CACNA1D: variants seen among roughly 807,000 people sequenced by gnomAD.
The protein encoded by CACNA1D is voltage-dependent L-type calcium channel subunit alpha-1D.
In CACNA1D, 55 loss-of-function variants were observed where a neutral mutation model predicts 257.1. The ratio of observed to expected loss-of-function variants is 0.21; its 90% CI spans 0.17 to 0.27. The LOEUF (loss-of-function observed/expected upper bound fraction) is 0.27. CACNA1D is among the 10% of genes least tolerant of loss of function. The pLI, the probability that CACNA1D is intolerant of heterozygous loss-of-function variation, is 1.00. For synonymous variants in CACNA1D, 980 were observed against 1,014.9 expected (o/e 0.97, Z 0.65); for missense variants, 1,876 against 2,784.0 (o/e 0.67, Z 7.34).
chr3:53,700,082 T>TA (rs145621429), intron 8 of CACNA1D, among the ~76,000 whole-genome samples: 7,717 of 148,052 alleles, frequency 0.052, 661 homozygotes, highest in African/African-American at 0.18. Context: ...TTATATAATT[T>TA]AAAAATAAAA....
At chr3:53,600,516 C>A (rs1271896562) in intron 3 of CACNA1D, among the ~76,000 whole-genome samples, 1 of 152,110 alleles carries the variant, frequency 6.6e-6, no homozygotes, top group Non-Finnish European at 1.5e-5. Flanking sequence ...ACTGAGATAC[C>A]AAAAGTAATG....
chr3:53,812,843 G>C lies in CACNA1D; in HGVS notation c.*1437G>C, dbSNP rs752765298. Reference sequence around the variant, plus strand: ...TGGAGTGTCGGGGTCTGTACAAATCGTATTGTTGCCTTTTACAAAACTGCT... The same window carrying C: ...TGGAGTGTCGGGGTCTGTACAAATCCTATTGTTGCCTTTTACAAAACTGCT... On this transcript the variant is annotated 3_prime_UTR_variant, in exon 48 of 48. Transcript: ENST00000350061. The C allele has an allele frequency of 6.6e-6, 1 of 152,180 alleles. No homozygotes were observed. The highest frequency in any genetic ancestry group is 1.5e-5 in the Non-Finnish European group (1 of 68,036). 9.4% of individuals were successfully genotyped at this position (152,180 alleles called of 1,614,324 possible).
Position 53,747,386 on chromosome 3 carries a change from C to T in CACNA1D, c.3252C>T (p.Phe1084=), listed in dbSNP as rs139767790. The change falls in exon 26 of 48, where the codon TTC becomes TTT. Residue 1084 remains phenylalanine, a synonymous_variant. Coordinates refer to ENST00000350061, the MANE Select transcript of CACNA1D (RefSeq NM_001128840.3). ...ERIWQNSDFN[F]DNVLSAMMAL... ...TCTGGCAAAACAGTGATTTCAACTTCGACAACGTCCTCTCTGCTATGATGG... is the reference window on the plus strand; with the variant it reads ...TCTGGCAAAACAGTGATTTCAACTTTGACAACGTCCTCTCTGCTATGATGG... 116 of 1,614,086 alleles carry T rather than the reference C, an allele frequency of 7.2e-5. 1 individual carries two copies. In the African/African-American group the frequency reaches 1.0e-3, roughly 14 times the overall value.
Position 53,719,757 on chromosome 3 carries a change from A to G in CACNA1D, c.1481A>G (p.Gln494Arg), listed in dbSNP as rs771027885. 6.2e-7 allele frequency: 1 copy of G among 1,613,950 alleles called. No homozygotes were observed. ...AACACTTTTTGTCTTTCTTTCAGTC[A>G]AGCCATCTCAAAATCCAAACTCAGG... The part of the protein sequence containing the change: ...ENRGCCGSLC[Q>R]AISKSKLSRR... The change falls in exon 11 of 48, where the codon CAA (glutamine) becomes CGA (arginine). Residue 494 changes from glutamine to arginine, a missense_variant and splice_region_variant. Transcript: ENST00000350061.
Position 53,786,569 on chromosome 3 carries a change from A to G in CACNA1D, c.4793-253A>G, listed in dbSNP as rs1418958506. 35 of 498,364 alleles carry G rather than the reference A, an allele frequency of 7.0e-5. 1 individual carries two copies. In the South Asian group the frequency reaches 7.5e-4, roughly 11 times the overall value. 30.9% of individuals were successfully genotyped at this position (498,364 alleles called of 1,614,324 possible). ...TGCTGCTCTATTAAACTCATAACAA[A>G]TATATTATTTTCTGCAACCTAGAGT... On this transcript the variant is annotated intron_variant, in intron 39 of 47. Coordinates refer to ENST00000350061, the MANE Select transcript of CACNA1D (RefSeq NM_001128840.3).
intron 18 of CACNA1D, 104 bp downstream of exon 18, chr3:53,732,186 T>G (rs1216785234): frequency 4.8e-6 from 4 of 827,150 alleles, no homozygotes; most frequent in Non-Finnish European, 6.3e-6. Flanking sequence ...AGCGTGCACA[T>G]GAGCTGCTGA....
intron 4 of CACNA1D, among the ~76,000 whole-genome samples, chr3:53,654,830 A>T (rs2094132944): frequency 6.6e-6 from 1 of 152,182 alleles, no homozygotes. Context: ...AGGTCTATCT[A>T]ATAAGCCTAT....
At chr3:53,546,591 C>CAT (rs1438001005) in intron 3 of CACNA1D, among the ~76,000 whole-genome samples, 1 of 152,214 alleles carries the variant, frequency 6.6e-6, no homozygotes, top group Non-Finnish European at 1.5e-5. Context: ...GATCCTGCTG[C>CAT]ATTTATAATT....
chr3:53,574,749 A>C (rs2107709211), intron 3 of CACNA1D, among the ~76,000 whole-genome samples: 1 of 151,008 alleles, frequency 6.6e-6, no homozygotes, highest in East Asian at 2.0e-4. Context: ...TCTCACTCAT[A>C]TGCACTAATT....
chr3:53,507,081 A>AC (rs1238904513), intron 3 of CACNA1D, among the ~76,000 whole-genome samples: 1 of 150,950 alleles, frequency 6.6e-6, no homozygotes, highest in Admixed American at 6.6e-5. Context: ...TCAAAAAAAA[A>AC]AAAAAAAAAA....
chr3:53,703,140 CAGG>C (rs1246789473), intron 9 of CACNA1D, among the ~76,000 whole-genome samples: 1 of 152,236 alleles, frequency 6.6e-6, no homozygotes, highest in Non-Finnish European at 1.5e-5. Context: ...TCTTGTACCA[CAGG>C]AGAAGAAGCT....
chr3:53,547,401 G>A (rs1400275710), intron 3 of CACNA1D, among the ~76,000 whole-genome samples: 1 of 152,154 alleles, frequency 6.6e-6, no homozygotes, highest in African/African-American at 2.4e-5. Context: ...AAAATATTAT[G>A]GCGTCAATTG....
intron 3 of CACNA1D, among the ~76,000 whole-genome samples, chr3:53,525,062 G>T (rs563780818): frequency 1.3e-5 from 2 of 152,064 alleles, no homozygotes; most frequent in Admixed American, 6.6e-5. Flanking sequence ...TGTGTTTGAG[G>T]TTCTGCTTAG....
At chr3:53,639,730 C>G (rs2093928209) in intron 3 of CACNA1D, among the ~76,000 whole-genome samples, 1 of 151,892 alleles carries the variant, frequency 6.6e-6, no homozygotes, top group Admixed American at 6.6e-5. Flanking sequence ...TAGCCATATA[C>G]AGATTTGAAA....
chr3:53,562,654 TC>T (rs71074927), intron 3 of CACNA1D, among the ~76,000 whole-genome samples: 32 of 142,728 alleles, frequency 2.2e-4, no homozygotes, highest in Non-Finnish European at 3.4e-4. Context: ...CATAAATGCC[TC>T]CCCCCCCAAA....
intron 8 of CACNA1D, among the ~76,000 whole-genome samples, chr3:53,699,191 G>A (rs199578655): frequency 2.0e-5 from 3 of 152,136 alleles, no homozygotes; most frequent in South Asian, 2.1e-4. Flanking sequence ...AGCTCATTGC[G>A]ATCACTCTGA....
intron 39 of CACNA1D, among the ~76,000 whole-genome samples, chr3:53,785,286 T>C (rs1003010844): frequency 3.3e-5 from 5 of 152,166 alleles, no homozygotes; most frequent in African/African-American, 1.2e-4. Flanking sequence ...TCAGAGTCTT[T>C]GGCTTATACC....
chr3:53,594,494 C>T (rs2093346624), intron 3 of CACNA1D, among the ~76,000 whole-genome samples: 1 of 152,186 alleles, frequency 6.6e-6, no homozygotes, highest in African/African-American at 2.4e-5. Flanking sequence ...AGCTTCCATT[C>T]TACTCAGGAG....
At chr3:53,576,112 G>T (rs2093033215) in intron 3 of CACNA1D, among the ~76,000 whole-genome samples, 1 of 152,146 alleles carries the variant, frequency 6.6e-6, no homozygotes, top group African/African-American at 2.4e-5. Context: ...GGCTGTCCTG[G>T]ATGTCTTGGC....
Sources: allele counts gnomAD v4.1 joint callset (sites outside exome capture counted in the v4.1 genomes callset), GRCh38; gene constraint gnomAD v4.1.1; transcripts MANE v1.5; gene names NCBI Gene and HGNC (gene_info 2026-07-23, HGNC 2026-07-21).